Variants in QTMAN observed in about 807,000 individuals in gnomAD.
The protein encoded by QTMAN is queuosine-tRNA mannosyltransferase.
At chr2:144,082,887 C>A in the QTMAN span, among the ~76,000 whole-genome samples, 2 of 152,026 alleles carry the variant, frequency 1.3e-5, no homozygotes, top group Non-Finnish European at 2.9e-5. Context: ...TTAAAATACA[C>A]ACGCACACAC....
chr2:143,992,887 G>A, the QTMAN span, among the ~76,000 whole-genome samples: 4,811 of 152,100 alleles, frequency 0.032, 100 homozygotes, highest in Non-Finnish European at 0.052. Flanking sequence ...TGAAACACAC[G>A]GTAATTATTT....
chr2:144,257,700 A>T, the QTMAN span, among the ~76,000 whole-genome samples: 1 of 152,234 alleles, frequency 6.6e-6, no homozygotes, highest in African/African-American at 2.4e-5. Flanking sequence ...TACTCAATAC[A>T]TGCATCTAAC....
chr2:144,255,250 C>T, the QTMAN span, among the ~76,000 whole-genome samples: 1 of 152,140 alleles, frequency 6.6e-6, no homozygotes, highest in African/African-American at 2.4e-5. Context: ...TTCTCATTAT[C>T]CCTATGTGCC....
chr2:144,179,449 T>C, the QTMAN span, among the ~76,000 whole-genome samples: 2 of 152,206 alleles, frequency 1.3e-5, no homozygotes, highest in African/African-American at 4.8e-5. Context: ...ATTTTCATGT[T>C]CAACCTTGAT....
At chr2:144,258,521 G>A in the QTMAN span, among the ~76,000 whole-genome samples, 8 of 152,134 alleles carry the variant, frequency 5.3e-5, no homozygotes, top group Non-Finnish European at 1.2e-4. Flanking sequence ...GTCAGGCAAC[G>A]TCTTTCAGAG....
chr2:144,313,269 C>T, the QTMAN span, among the ~76,000 whole-genome samples: 1 of 152,200 alleles, frequency 6.6e-6, no homozygotes, highest in Admixed American at 6.5e-5. Context: ...TGAACCAAGT[C>T]TATTCTCTTT....
chr2:143,989,410 G>A, the QTMAN span, among the ~76,000 whole-genome samples: 28 of 152,202 alleles, frequency 1.8e-4, no homozygotes, highest in Non-Finnish European at 3.1e-4. Context: ...GCAGGTTTAC[G>A]TAAGACAGAA....
the QTMAN span, among the ~76,000 whole-genome samples, chr2:143,987,780 A>G: frequency 6.6e-6 from 1 of 152,206 alleles, no homozygotes; most frequent in Non-Finnish European, 1.5e-5. Flanking sequence ...ACAATTATTT[A>G]TTTCTACTTT....
At chr2:144,276,213 T>A in the QTMAN span, among the ~76,000 whole-genome samples, 2 of 151,896 alleles carry the variant, frequency 1.3e-5, no homozygotes, top group Non-Finnish European at 1.5e-5. Context: ...CTGGTTTTTT[T>A]TAAAAAAAAA....
At chr2:144,272,285 G>A in the QTMAN span, among the ~76,000 whole-genome samples, 1 of 152,060 alleles carries the variant, frequency 6.6e-6, no homozygotes, top group Non-Finnish European at 1.5e-5. Flanking sequence ...TGTTGAAAAT[G>A]TGGGTTTTAA....
chr2:144,306,062 T>C, the QTMAN span, among the ~76,000 whole-genome samples: 1 of 152,252 alleles, frequency 6.6e-6, no homozygotes, highest in Non-Finnish European at 1.5e-5. Flanking sequence ...TTGTCTTGGC[T>C]AGAATGTCCA....
chr2:144,195,761 ATTCTTAACCTCT>A, the QTMAN span, among the ~76,000 whole-genome samples: 1 of 152,284 alleles, frequency 6.6e-6, no homozygotes, highest in African/African-American at 2.4e-5. Flanking sequence ...TAAGACCTCA[ATTCTTAACCTCT>A]GCTTCTCTTT....
chr2:144,023,340 T>C, the QTMAN span, among the ~76,000 whole-genome samples: 1 of 152,216 alleles, frequency 6.6e-6, no homozygotes, highest in Non-Finnish European at 1.5e-5. Context: ...AGTAGTTTTC[T>C]AAAGTCTAAG....
At chr2:144,320,825 T>G in the QTMAN span, among the ~76,000 whole-genome samples, 2 of 152,204 alleles carry the variant, frequency 1.3e-5, no homozygotes, top group African/African-American at 2.4e-5. Context: ...GGGCACCTTG[T>G]GAACAGTCTG....
the QTMAN span, among the ~76,000 whole-genome samples, chr2:144,268,387 T>C: frequency 1.3e-5 from 2 of 152,112 alleles, no homozygotes; most frequent in Non-Finnish European, 2.9e-5. Context: ...CAATGCACAA[T>C]AGACTAAGGC....
the QTMAN span, chr2:143,946,858 G>C: frequency 1.8e-6 from 1 of 559,670 alleles, no homozygotes; most frequent in Non-Finnish European, 3.2e-6. Flanking sequence ...TTTGAGTTGG[G>C]GTGGTGGCAG....
At chr2:144,001,685 G>A in the QTMAN span, among the ~76,000 whole-genome samples, 4 of 151,876 alleles carry the variant, frequency 2.6e-5, no homozygotes, top group Non-Finnish European at 5.9e-5. Context: ...TTTATGATCA[G>A]AGCAGAATTT....
the QTMAN span, among the ~76,000 whole-genome samples, chr2:144,153,810 T>C: frequency 6.6e-6 from 1 of 152,364 alleles, no homozygotes; most frequent in South Asian, 2.1e-4. Flanking sequence ...GATGGTAATA[T>C]TTTAAAGGAA....
chr2:144,071,971 G>C, the QTMAN span, among the ~76,000 whole-genome samples: 1 of 152,112 alleles, frequency 6.6e-6, no homozygotes, highest in East Asian at 1.9e-4. Context: ...GCCAGAAAAA[G>C]CTTTGCATCT....
Sources: allele counts gnomAD v4.1 joint callset (sites outside exome capture counted in the v4.1 genomes callset), GRCh38; gene constraint gnomAD v4.1.1; transcripts MANE v1.5; gene names NCBI Gene and HGNC (gene_info 2026-07-23, HGNC 2026-07-21).